ZNF185: variants seen among roughly 807,000 people sequenced by gnomAD.
ZNF185 encodes the protein zinc finger protein 185 with LIM domain.
A neutral mutation model predicts 58.6 loss-of-function variants in ZNF185; 56 were observed. That is an observed-to-expected ratio of 0.95 (90% CI 0.77 to 1.19). ZNF185 has a LOEUF of 1.19. Among genes scored for constraint, ZNF185 ranks in the 50% most tolerant of loss-of-function variants. The pLI is 0.00. For synonymous variants in ZNF185, 230 were observed against 215.9 expected (o/e 1.07, Z -0.57); for missense variants, 627 against 573.5 (o/e 1.09, Z -0.95).
At chrX:152,969,614 A>G (rs1315879297) in intron 21 of ZNF185, 130 bp downstream of exon 23, 3 of 499,815 alleles carry the variant, frequency 6.0e-6, no homozygotes, top group East Asian at 3.7e-5. Context: ...TCCATATACA[A>G]TTGCACATAG....
In ZNF185 at chrX:152,961,718, C is replaced by T. The variant is rs899446123; in HGVS notation, c.1607+1822C>T. On this transcript the variant is annotated intron_variant, in intron 17 of 22. Coordinates refer to ENST00000449285, the Ensembl canonical transcript of ZNF185. The stretch of plus-strand genomic sequence containing the variant: ...GCATGATCGTAATAACCATTAGCAC[C>T]TGCTGTGTGCTGAGAATGTGCAGGC... Among the ~76,000 whole-genome samples, 9 of 112,592 alleles carry T rather than the reference C, an allele frequency of 8.0e-5. No homozygotes were observed. In the South Asian group the frequency reaches 1.1e-3, roughly 14 times the overall value.
chrX:152,916,717 A>T (rs1556865971), intron 3 of ZNF185, among the ~76,000 whole-genome samples: 1 of 112,618 alleles, frequency 8.9e-6, no homozygotes, highest in Non-Finnish European at 1.9e-5. Context: ...CCCCGGGCTG[A>T]GGGGAAGCCT....
intron 17 of ZNF185, 131 bp from the exon 20 acceptor site, chrX:152,963,708 A>C (rs1450694013): frequency 2.0e-6 from 1 of 505,861 alleles, no homozygotes; most frequent in Non-Finnish European, 3.1e-6. Flanking sequence ...TAAAGTGAGA[A>C]GTTCCATTTG....
At chrX:152,932,926 G>A (rs1556878809) in exon 14 of ZNF185, 6 of 1,204,374 alleles carry the variant, frequency 5.0e-6, no homozygotes, top group African/African-American at 1.7e-5. Flanking sequence ...ACGGGCTCCC[G>A]GCCTGAAGGC....
intron 14 of ZNF185, chrX:152,936,457 C>A (rs1480052016): frequency 1.7e-6 from 2 of 1,166,621 alleles, no homozygotes. Flanking sequence ...TCCTGGAAGA[C>A]CAGGATGGGC....
At chrX:152,910,294 C>G (rs1441409359), upstream of ZNF185, among the ~76,000 whole-genome samples, 1 of 112,235 alleles carries the variant, frequency 8.9e-6, no homozygotes, top group Non-Finnish European at 1.9e-5. Context: ...TCGGGCTCAT[C>G]TTTAGCACAC....
At chrX:152,938,851 C>T (rs782516302) in intron 15 of ZNF185, among the ~76,000 whole-genome samples, 10 of 104,985 alleles carry the variant, frequency 9.5e-5, no homozygotes, top group Admixed American at 2.0e-4. Context: ...AGAGTGATGG[C>T]AGTGAGGAGG....
At chrX:152,970,740 A>G (rs1312073939) in intron 22 of ZNF185, among the ~76,000 whole-genome samples, 199 bp downstream of exon 24, 6 of 111,265 alleles carry the variant, frequency 5.4e-5, no homozygotes, top group Non-Finnish European at 1.1e-4. Flanking sequence ...AAAGGCCCTC[A>G]ATGAGGACAC....
chrX:152,960,684 T>G (rs782348535), intron 17 of ZNF185, among the ~76,000 whole-genome samples: 1 of 112,363 alleles, frequency 8.9e-6, no homozygotes, highest in Non-Finnish European at 1.9e-5. Flanking sequence ...TTTGAAAATG[T>G]TTTTACAGGC....
chrX:152,959,471 C>T (rs782728863), intron 16 of ZNF185, among the ~76,000 whole-genome samples: 99 of 112,148 alleles, frequency 8.8e-4, no homozygotes, highest in Admixed American at 1.0e-3. Flanking sequence ...TCATTGAAGT[C>T]GTCAGGTGAC....
At chrX:152,907,526 G>A in the ZNF185 span, among the ~76,000 whole-genome samples, 4 of 113,155 alleles carry the variant, frequency 3.5e-5, no homozygotes, top group African/African-American at 1.3e-4. Context: ...GCCCTGCCAG[G>A]GACACTTCCT....
At chrX:152,933,615 C>G (rs2045948939) in intron 14 of ZNF185, among the ~76,000 whole-genome samples, 1 of 112,431 alleles carries the variant, frequency 8.9e-6, no homozygotes. Context: ...CTGAATCATT[C>G]TTGGGGCAAA....
In ZNF185 at chrX:152,919,038, G is replaced by A. The variant is rs782597575; in HGVS notation, c.487G>A (p.Glu163Lys). 9.1e-6 allele frequency: 11 copies of A among 1,210,467 alleles called. No individual in the cohort carries two copies. The East Asian group carries it at 3.0e-4, about 33-fold the overall frequency. ...ATCAGGGGACACCGAGGAGGAGGAG[G>A]AGGAGGAGGTGGTGCCATTCTCCTC... is the stretch of plus-strand genomic sequence containing the variant. The change falls in exon 7 of 23, where the codon GAG becomes AAG. Residue 163 changes from glutamate (E) to lysine (K), a missense_variant. By Grantham distance (56) the Glu-to-Lys change is moderately conservative. Transcript: ENST00000449285.
chrX:152,922,558 G>A (rs1472204105), intron 10 of ZNF185, among the ~76,000 whole-genome samples, 162 bp from the exon 12 acceptor site: 1 of 112,103 alleles, frequency 8.9e-6, no homozygotes, highest in African/African-American at 3.2e-5. Context: ...AACACCCCAA[G>A]AAAAAGTACC....
At chrX:152,957,568 A>G (rs149964373) in intron 16 of ZNF185, among the ~76,000 whole-genome samples, 119 of 112,180 alleles carry the variant, frequency 1.1e-3, no homozygotes, top group African/African-American at 3.6e-3. Context: ...GAAGGTAGAG[A>G]CAAGGAGAAA....
At chrX:152,938,330 C>T (rs2046606404) in intron 15 of ZNF185, among the ~76,000 whole-genome samples, 167 bp downstream of exon 17, 1 of 112,390 alleles carries the variant, frequency 8.9e-6, no homozygotes, top group Admixed American at 9.3e-5. Context: ...GCTTCTGGGG[C>T]CAGGGAGCTT....
At chrX:152,928,762 C>T in intron 12 of ZNF185, 101 bp downstream of exon 13, 1 of 837,784 alleles carries the variant, frequency 1.2e-6, no homozygotes, top group East Asian at 3.3e-5. Flanking sequence ...CCGGCTCTGC[C>T]ACTGTAGGGC....
At chrX:152,940,279 C>G (rs5970398) in intron 15 of ZNF185, among the ~76,000 whole-genome samples, 34,987 of 109,389 alleles carry the variant, frequency 0.32, 4,121 homozygotes, top group African/African-American at 0.4. Flanking sequence ...GGGTGGTTCA[C>G]TTACAGCTTG....
chrX:152,956,367 T>C (rs1272905406), intron 16 of ZNF185, among the ~76,000 whole-genome samples: 6 of 112,318 alleles, frequency 5.3e-5, no homozygotes, highest in African/African-American at 1.9e-4. Context: ...GATATACATA[T>C]TAGAATTTTA....
Sources: gnomAD v4.1 joint callset for allele counts (sites outside exome capture counted in the v4.1 genomes callset) on GRCh38, gnomAD v4.1.1 for gene constraint, MANE v1.5 for transcripts, NCBI Gene and HGNC (gene_info 2026-07-23, HGNC 2026-07-21) for gene names.